GLI3: variants seen among roughly 807,000 people sequenced by gnomAD.
GLI3 encodes transcription activator GLI3.
GLI3 carries 20 observed loss-of-function variants against 100.8 expected under a neutral mutation model. The observed-to-expected ratio is 0.20, with a 90% CI of 0.14 to 0.29. The LOEUF (loss-of-function observed/expected upper bound fraction) is 0.29. GLI3 is among the 10% of genes least tolerant of loss of function. The pLI is 1.00. For synonymous variants in GLI3, 938 were observed against 860.5 expected, an observed-to-expected ratio of 1.09 and a Z score of -1.58; for missense variants, 2,040 against 2,128.5, an observed-to-expected ratio of 0.96 and a Z score of 0.82.
At chr7:41,981,683 G>A (rs1440621221) in intron 10 of GLI3, among the ~76,000 whole-genome samples, 2 of 152,226 alleles carry the variant, frequency 1.3e-5, no homozygotes, top group Non-Finnish European at 2.9e-5. Flanking sequence ...CCTCGCTGCT[G>A]ACAGGGAAGG....
At chr7:42,200,548 G>T (rs1042588825) in intron 2 of GLI3, among the ~76,000 whole-genome samples, 16 of 152,208 alleles carry the variant, frequency 1.1e-4, no homozygotes, top group African/African-American at 3.9e-4. Flanking sequence ...GGGTCAGGCA[G>T]TGTTGAAGTG....
chr7:42,118,137 T>A, intron 3 of GLI3: 1 of 389,356 alleles, frequency 2.6e-6, no homozygotes, highest in Non-Finnish European at 4.5e-6. Context: ...TTTGCAAATA[T>A]TCTCATCCCC....
chr7:42,151,726 T>A (rs114582354), intron 2 of GLI3: 1 of 152,228 alleles, frequency 6.6e-6, no homozygotes, highest in African/African-American at 2.4e-5. Context: ...ACTGTCATCA[T>A]AATCCCACTT....
At position 41,964,563 on chromosome 7, in the gene GLI3, T is replaced by G. The variant is rs145419251; in HGVS notation, c.4510A>C (p.Ile1504Leu). The part of the protein sequence containing the change: ...LDSHDLEGVQ[I>L]DFDAIIDDGD... ...TCGTCTATGATGGCATCGAAGTCAA[T>G]CTGTACCCCTTCCAGGTCATGGCTG... Residue 1504 changes from isoleucine to leucine, a missense_variant, in exon 15 of 15, where the codon ATT (isoleucine) becomes CTT (leucine). By Grantham distance (5) the Ile-to-Leu change is conservative (BLOSUM62 2). Transcript: ENST00000395925. 2.2e-3 allele frequency: 3,513 copies of G among 1,614,018 alleles called. 72 individuals are homozygous for G. The highest frequency in any genetic ancestry group is 1.9e-4 in the Non-Finnish European group (223 of 1,179,890).
intron 1 of GLI3, among the ~76,000 whole-genome samples, chr7:42,253,584 A>T (rs1234545463): frequency 1.3e-5 from 2 of 152,220 alleles, no homozygotes; most frequent in African/African-American, 4.8e-5. Flanking sequence ...GTTCTTAAGC[A>T]TGAAGTCTCT....
intron 2 of GLI3, among the ~76,000 whole-genome samples, chr7:42,196,162 A>G (rs1787924314): frequency 2.0e-5 from 3 of 152,212 alleles, no homozygotes. Flanking sequence ...TCATTTACTC[A>G]TGATTAAAGA....
At chr7:42,175,308 G>A (rs1399044222) in intron 2 of GLI3, among the ~76,000 whole-genome samples, 2 of 152,200 alleles carry the variant, frequency 1.3e-5, no homozygotes, top group Non-Finnish European at 2.9e-5. Flanking sequence ...CCCTTTTGGG[G>A]CTCAGTCTCT....
At chr7:42,070,117 G>A (rs1228331624) in intron 4 of GLI3, among the ~76,000 whole-genome samples, 2 of 152,128 alleles carry the variant, frequency 1.3e-5, no homozygotes, top group Non-Finnish European at 2.9e-5. Flanking sequence ...ATTAAGTATT[G>A]GTCAACACTC....
At chr7:42,054,011 G>A (rs1310026959) in intron 4 of GLI3, among the ~76,000 whole-genome samples, 4 of 152,140 alleles carry the variant, frequency 2.6e-5, no homozygotes, top group Non-Finnish European at 5.9e-5. Flanking sequence ...TCCTCTCAGG[G>A]ATAAGGCCCT....
chr7:42,246,805 CTTTTTTTTTT>C (rs71006467), intron 1 of GLI3, among the ~76,000 whole-genome samples: 7 of 94,974 alleles, frequency 7.4e-5, no homozygotes, highest in South Asian at 3.8e-4. Context: ...ATGATAGAAT[CTTTTTTTTTT>C]TTTTTTTTTT....
At chr7:41,970,872 T>C (rs1471360843) in intron 13 of GLI3, among the ~76,000 whole-genome samples, 1 of 152,156 alleles carries the variant, frequency 6.6e-6, no homozygotes. Flanking sequence ...ATTATACAGG[T>C]AGGCTTTATT....
chr7:41,984,654 T>C (rs1345823499), intron 10 of GLI3, among the ~76,000 whole-genome samples: 1 of 152,206 alleles, frequency 6.6e-6, no homozygotes, highest in Non-Finnish European at 1.5e-5. Flanking sequence ...ACTGTTGTAA[T>C]AAAAATATTA....
chr7:42,241,511 ACT>A (rs1022541547), upstream of GLI3, among the ~76,000 whole-genome samples: 4 of 152,006 alleles, frequency 2.6e-5, no homozygotes, highest in Admixed American at 2.0e-4. Context: ...GAAAGGAAAC[ACT>A]CTGGTGAAGA....
intron 2 of GLI3, among the ~76,000 whole-genome samples, chr7:42,182,717 TAC>T (rs66997611): frequency 0.14 from 16,200 of 118,384 alleles, 1,274 homozygotes; most frequent in African/African-American, 0.2. Flanking sequence ...CACATATAAA[TAC>T]ACACACACAC....
chr7:42,242,941 C>T (rs1788939959), intron 1 of GLI3, among the ~76,000 whole-genome samples: 2 of 152,156 alleles, frequency 1.3e-5, no homozygotes, highest in Admixed American at 6.5e-5. Context: ...CAAGGAAAGA[C>T]AAGAAGCAGT....
chr7:41,992,512 C>T (rs976916134), intron 10 of GLI3, among the ~76,000 whole-genome samples: 2 of 152,162 alleles, frequency 1.3e-5, no homozygotes, highest in African/African-American at 4.8e-5. Context: ...CCTTCCCTAC[C>T]CCATGTTATC....
intron 4 of GLI3, among the ~76,000 whole-genome samples, chr7:42,074,159 G>T (rs1428305515): frequency 6.6e-6 from 1 of 152,192 alleles, no homozygotes; most frequent in African/African-American, 2.4e-5. Context: ...AGAGCTCTGT[G>T]CTTTTCAGAG....
chr7:42,039,997 T>G, intron 7 of GLI3, 41 bp downstream of exon 7: 1 of 1,456,032 alleles, frequency 6.9e-7, no homozygotes. Context: ...GTGCTGACAT[T>G]ACATTTAAAA....
chr7:42,160,409 T>C (rs867949389), intron 2 of GLI3, among the ~76,000 whole-genome samples: 5 of 152,190 alleles, frequency 3.3e-5, no homozygotes, highest in African/African-American at 1.2e-4. Flanking sequence ...AGGACCCAAG[T>C]CTAAACACAA....
Sources: allele counts gnomAD v4.1 joint callset (sites outside exome capture counted in the v4.1 genomes callset), GRCh38; gene constraint gnomAD v4.1.1; transcripts MANE v1.5; gene names NCBI Gene and HGNC (gene_info 2026-07-23, HGNC 2026-07-21).